INPP5F: variants seen among roughly 807,000 people sequenced by gnomAD.
The protein encoded by INPP5F is phosphatidylinositide 4-phosphatase SAC2.
INPP5F carries 97 observed loss-of-function variants against 137.2 expected under a neutral mutation model. The ratio of observed to expected loss-of-function variants is 0.71; its 90% CI spans 0.60 to 0.84. The LOEUF (loss-of-function observed/expected upper bound fraction) is 0.84, where lower values mean the gene tolerates loss of function less well. Among genes scored for constraint, INPP5F ranks in the 40% least tolerant of loss-of-function variants. The pLI is 0.00. For missense variants in INPP5F, 1,271 were observed against 1,371.9 expected, an observed-to-expected ratio of 0.93 and a Z score of 1.16; for synonymous variants, 504 against 476.9, an observed-to-expected ratio of 1.06 and a Z score of -0.74.
chr10:119,754,762 A>G (rs1848789425), intron 2 of INPP5F, among the ~76,000 whole-genome samples: 1 of 150,624 alleles, frequency 6.6e-6, no homozygotes, highest in Non-Finnish European at 1.5e-5. Flanking sequence ...CACCCACCTT[A>G]CTTACTCTCC....
At chr10:119,818,670 G>A (rs1306138021) in intron 15 of INPP5F, 1 of 152,382 alleles carries the variant, frequency 6.6e-6, no homozygotes, top group African/African-American at 2.4e-5. Flanking sequence ...CCGGAAGCTA[G>A]ACGTGTCCCC....
chr10:119,739,479 A>C (rs957016686), intron 1 of INPP5F, among the ~76,000 whole-genome samples: 1 of 152,184 alleles, frequency 6.6e-6, no homozygotes, highest in Non-Finnish European at 1.5e-5. Flanking sequence ...AAACATTTTT[A>C]TTATTTGATG....
At chr10:119,738,400 T>C (rs966307380) in intron 1 of INPP5F, among the ~76,000 whole-genome samples, 1 of 152,232 alleles carries the variant, frequency 6.6e-6, no homozygotes, top group East Asian at 1.9e-4. Flanking sequence ...ACAATACATT[T>C]GTTGGATTAG....
chr10:119,826,858 A>G lies in INPP5F; in HGVS notation c.2477A>G (p.Lys826Arg), dbSNP rs780096183. 2.5e-6 allele frequency: 4 copies of G among 1,613,988 alleles called. No individual in the cohort carries two copies. The East Asian group carries it at 8.9e-5, about 36-fold the overall frequency. ...CCAAACTTAAAAGTAAATCTTTGGAAATCAGATAGTAGTCTTGAAACTATG... is the reference window on the plus strand; with the variant it reads ...CCAAACTTAAAAGTAAATCTTTGGAGATCAGATAGTAGTCTTGAAACTATG... ...LKPNLKVNLW[K>R]SDSSLETMEN... Residue 826 changes from lysine (K) to arginine (R), a missense_variant, in exon 20 of 20, where the codon AAA (lysine) becomes AGA (arginine). Lys to Arg is a conservative substitution (Grantham distance 26). This residue lies in a region of INPP5F where 490 missense variants were observed against 443.7 expected (regional missense o/e 1.10). Coordinates refer to ENST00000650623, the MANE Select transcript of INPP5F (RefSeq NM_014937.4).
chr10:119,805,526 TTAA>T, intron 11 of INPP5F, 65 bp downstream of exon 11: 10 of 1,078,652 alleles, frequency 9.3e-6, no homozygotes, highest in Non-Finnish European at 1.4e-5. Context: ...CCACTGAGCA[TTAA>T]ACTGATAGCA....
intron 16 of INPP5F, 122 bp from the exon 17 acceptor site, chr10:119,822,309 T>C: frequency 1.9e-6 from 1 of 513,484 alleles, no homozygotes; most frequent in Non-Finnish European, 3.5e-6. Flanking sequence ...TACCCCAGAA[T>C]GTATGTGCTG....
intron 1 of INPP5F, 73 bp downstream of exon 1, chr10:119,726,432 C>T: frequency 2.2e-6 from 2 of 908,930 alleles, no homozygotes; most frequent in African/African-American, 1.8e-5. Flanking sequence ...CCGGACCCCT[C>T]AGCCGGGCGG....
Position 119,771,866 on chromosome 10 carries a change from ATATATATATATATATATTTTTTTTTTTT to A in INPP5F, c.179-9767_179-9740del, listed in dbSNP as rs1386906299. Among the ~76,000 whole-genome samples, 8 of 16,616 alleles carry A rather than the reference ATATATATATATATATATTTTTTTTTTTT, an allele frequency of 4.8e-4. No homozygotes were observed. In the South Asian group the frequency reaches 6.7e-3, roughly 14 times the overall value. The allele number at this position is 16,616 out of a possible 152,430, so 10.9% of individuals were successfully genotyped here. On this transcript the variant is annotated intron_variant, in intron 2 of 19. Transcript: ENST00000650623. ...TGGAGATATATATATATATATATATATATATATATATATATATTTTTTTTTTTTTTTTTTTTTTTTTTTTTTTGAGATG... is the reference window on the plus strand; with the variant it reads ...TGGAGATATATATATATATATATATATTTTTTTTTTTTTTTTTTTGAGATG...
intron 1 of INPP5F, among the ~76,000 whole-genome samples, chr10:119,743,389 T>G (rs1340838972): frequency 2.4e-4 from 37 of 152,032 alleles, no homozygotes; most frequent in Non-Finnish European, 1.5e-5. Flanking sequence ...TCCTGTTCAG[T>G]CAAGGAGACA....
chr10:119,804,298 G>C lies in INPP5F; in HGVS notation c.1241+1G>C. On this transcript the variant is annotated splice_donor_variant, in intron 10 of 19. Transcript: ENST00000650623. LOFTEE classifies it high-confidence loss of function. ...TTTCGTTTGACTTCCATGAGCACTG[G>C]TAAGATGGCTTTCGGAGAATAGTGT... is the stretch of plus-strand genomic sequence containing the variant. 3 of 1,609,062 alleles carry C rather than the reference G, an allele frequency of 1.9e-6. No individual in the cohort carries two copies. Among genetic ancestry groups the C allele is most frequent in the Non-Finnish European group, 2.5e-6 (3 of 1,178,646 alleles).
At chr10:119,783,650 T>C (rs891923899) in intron 3 of INPP5F, among the ~76,000 whole-genome samples, 1 of 152,236 alleles carries the variant, frequency 6.6e-6, no homozygotes, top group African/African-American at 2.4e-5. Context: ...ATGGAGTCTT[T>C]AAGGGCAAAA....
At chr10:119,776,705 C>T (rs1849534077) in intron 2 of INPP5F, among the ~76,000 whole-genome samples, 1 of 150,952 alleles carries the variant, frequency 6.6e-6, no homozygotes, top group African/African-American at 2.4e-5. Flanking sequence ...TGTGTGTGAC[C>T]CACAGAGAGA....
chr10:119,785,078 A>G (rs1452536860), intron 3 of INPP5F, among the ~76,000 whole-genome samples: 1 of 151,958 alleles, frequency 6.6e-6, no homozygotes, highest in African/African-American at 2.4e-5. Flanking sequence ...TTGTATGGGT[A>G]TGTCATGTTT....
rs185599361 is a variant in INPP5F at position 119,742,380 on chromosome 10, A to G, written c.98-8696A>G. Among the ~76,000 whole-genome samples the G allele has an allele frequency of 1.5e-4, 22 of 150,722 alleles. No homozygotes were observed. The East Asian group carries it at 4.2e-3, about 28-fold the overall frequency. On this transcript the variant is annotated intron_variant, in intron 1 of 19. Transcript: ENST00000650623. ...ACCATCTTGGCCAGGCTGGTCTTGAACTCCTGACCTCGTGATCCACCTGCC... is the reference window on the plus strand; with the variant it reads ...ACCATCTTGGCCAGGCTGGTCTTGAGCTCCTGACCTCGTGATCCACCTGCC...
intron 15 of INPP5F, among the ~76,000 whole-genome samples, chr10:119,812,730 T>C (rs1178807616): frequency 6.6e-6 from 1 of 152,214 alleles, no homozygotes; most frequent in Non-Finnish European, 1.5e-5. Context: ...ATGGATTTTT[T>C]TCACTTTGAT....
At chr10:119,804,378 C>A in intron 10 of INPP5F, 81 bp downstream of exon 10, 1 of 1,142,628 alleles carries the variant, frequency 8.8e-7, no homozygotes. Context: ...AGTTTCTCTT[C>A]TTTGCTGGGA....
At chr10:119,768,144 T>C (rs978158242) in intron 2 of INPP5F, 1 of 152,166 alleles carries the variant, frequency 6.6e-6, no homozygotes, top group African/African-American at 2.4e-5. Flanking sequence ...TCAAGAAATG[T>C]TTGTATTTAA....
At position 119,787,535 on chromosome 10, in the gene INPP5F, G is replaced by A. The variant is rs764072327; in HGVS notation, c.316-3982G>A. 6.6e-6 allele frequency among the ~76,000 whole-genome samples: 1 copy of A among 151,704 alleles called. No homozygotes were observed. The highest frequency in any genetic ancestry group is 1.5e-5 in the Non-Finnish European group (1 of 67,942). On this transcript the variant is annotated intron_variant, in intron 3 of 19. Transcript: ENST00000650623. This position sits in a 1 kb window ranked among gnomAD's most constrained non-coding sequence, Gnocchi z 4.1. ...GGAGGTTGCAGCAAGCTGAGATCGCGCCATTGCACTCTAGCTTGGGTGACA... is the reference window on the plus strand; with the variant it reads ...GGAGGTTGCAGCAAGCTGAGATCGCACCATTGCACTCTAGCTTGGGTGACA...
At chr10:119,824,370 G>T (rs1851682365) in intron 19 of INPP5F, among the ~76,000 whole-genome samples, 2 of 151,982 alleles carry the variant, frequency 1.3e-5, no homozygotes, top group Non-Finnish European at 2.9e-5. Flanking sequence ...TCATAACTTT[G>T]ACATTTTTTA....
Sources: gnomAD v4.1 joint callset for allele counts (sites outside exome capture counted in the v4.1 genomes callset) on GRCh38, gnomAD v4.1.1 for gene constraint, gnomAD v4.1.1 regional missense constraint, Gnocchi (gnomAD v3.1) non-coding constraint, MANE v1.5 for transcripts, NCBI Gene and HGNC (gene_info 2026-07-23, HGNC 2026-07-21) for gene names.